The following ZNF385B variants were observed in gnomAD, a reference collection of about 807,000 sequenced individuals.
ZNF385B encodes zinc finger protein 533.
ZNF385B carries 23 observed loss-of-function variants against 39.2 expected under a neutral mutation model. The observed-to-expected ratio is 0.59, with a 90% CI of 0.42 to 0.83. The LOEUF (loss-of-function observed/expected upper bound fraction) is 0.83. Ranked by LOEUF, ZNF385B falls within the 40% of genes least tolerant of loss-of-function variation. The pLI is 0.00. For synonymous variants in ZNF385B, 205 were observed against 222.6 expected, an observed-to-expected ratio of 0.92 and a Z score of 0.70; for missense variants, 552 against 598.9, an observed-to-expected ratio of 0.92 and a Z score of 0.82.
chr2:179,685,211 T>G (rs1178020315), intron 3 of ZNF385B, among the ~76,000 whole-genome samples: 2 of 152,216 alleles, frequency 1.3e-5, no homozygotes, highest in Non-Finnish European at 2.9e-5. Context: ...GTATCACTTT[T>G]TTTCTTTCGG....
intron 5 of ZNF385B, among the ~76,000 whole-genome samples, chr2:179,488,439 C>T (rs1363688214): frequency 5.3e-5 from 8 of 152,156 alleles, no homozygotes; most frequent in African/African-American, 1.9e-4. Flanking sequence ...CCACTGCGCA[C>T]GGCCTGATTT....
chr2:179,626,877 T>C (rs981945969), intron 3 of ZNF385B, among the ~76,000 whole-genome samples: 7 of 152,212 alleles, frequency 4.6e-5, no homozygotes, highest in Non-Finnish European at 8.8e-5. Flanking sequence ...AAATTATGAA[T>C]GGAAACACTT....
At chr2:179,478,589 C>A (rs747318730) in intron 6 of ZNF385B, among the ~76,000 whole-genome samples, 1 of 152,126 alleles carries the variant, frequency 6.6e-6, no homozygotes, top group African/African-American at 2.4e-5. Context: ...TGTGGCATTT[C>A]GAATCATTCT....
chr2:179,809,555 T>C (rs1321795752), intron 1 of ZNF385B, among the ~76,000 whole-genome samples: 2 of 152,046 alleles, frequency 1.3e-5, no homozygotes, highest in South Asian at 2.1e-4. Context: ...CTACATACAG[T>C]GCTAAAAAAT....
intron 1 of ZNF385B, among the ~76,000 whole-genome samples, chr2:179,841,721 T>C (rs906056192): frequency 5.9e-5 from 9 of 152,262 alleles, no homozygotes; most frequent in Middle Eastern, 3.4e-3. Context: ...AAAATCTCCA[T>C]TGAGAGCCAC....
intron 1 of ZNF385B, among the ~76,000 whole-genome samples, chr2:179,857,132 A>T (rs563508185): frequency 4.6e-5 from 7 of 152,362 alleles, no homozygotes; most frequent in Admixed American, 2.6e-4. Context: ...AAGTTTAAGA[A>T]GCACTGGTTC....
intron 3 of ZNF385B, among the ~76,000 whole-genome samples, chr2:179,581,333 A>G (rs910756283): frequency 5.3e-5 from 8 of 152,226 alleles, no homozygotes; most frequent in African/African-American, 1.9e-4. Flanking sequence ...TACATATAAA[A>G]ACAAGTACAG....
rs554719181 is a variant in ZNF385B, at chr2:179,809,974, C to T, written c.-154-39302G>A. 1.4e-4 allele frequency among the ~76,000 whole-genome samples: 21 copies of T among 151,850 alleles called. No homozygotes were observed. In the South Asian group the frequency reaches 1.5e-3, roughly 11 times the overall value. On this transcript the variant is annotated intron_variant, in intron 1 of 9. Transcript: ENST00000410066. ...TAATAATGAAAAGAGTGAGGTAATACCACAAAAATAATGAGACCAATGGAA... is the reference window on the plus strand; with the variant it reads ...TAATAATGAAAAGAGTGAGGTAATATCACAAAAATAATGAGACCAATGGAA...
At position 179,621,059 on chromosome 2, in the gene ZNF385B, A is replaced by C. The variant is rs77070009; in HGVS notation, c.299-76090T>G. 3.1e-3 allele frequency among the ~76,000 whole-genome samples: 466 copies of C among 152,248 alleles called. 5 individuals carry two copies. The highest frequency in any genetic ancestry group is 0.011 in the African/African-American group (442 of 41,558). ...CTACTTGATGTCTTGGATCATACTAACCAGGTGGTATGCATACAAATACTT... is the reference window on the plus strand; with the variant it reads ...CTACTTGATGTCTTGGATCATACTACCCAGGTGGTATGCATACAAATACTT... On this transcript the variant is annotated intron_variant, in intron 3 of 9. Transcript: ENST00000410066.
chr2:179,533,125 A>G lies in ZNF385B; in HGVS notation c.441+11702T>C, dbSNP rs1023816650. ...AAGAACTCTACATCTGGGTGTCACA[A>G]TGCTTCTTTAGAAGCTACTCATCCA... On this transcript the variant is annotated intron_variant, in intron 4 of 9. Transcript: ENST00000410066. Among the ~76,000 whole-genome samples the G allele has an allele frequency of 2.6e-5, 4 of 152,222 alleles. 1 individual carries two copies. Among genetic ancestry groups the G allele is most frequent in the African/African-American group, 4.8e-5 (2 of 41,460 alleles).
chr2:179,766,638 G>T (rs80280996), intron 3 of ZNF385B, among the ~76,000 whole-genome samples: 2 of 151,724 alleles, frequency 1.3e-5, no homozygotes, highest in Non-Finnish European at 1.5e-5. Flanking sequence ...CCGAATTTCC[G>T]TTTTTTTGTA....
intron 3 of ZNF385B, among the ~76,000 whole-genome samples, chr2:179,741,018 A>G (rs1702057993): frequency 6.6e-6 from 1 of 152,178 alleles, no homozygotes; most frequent in Non-Finnish European, 1.5e-5. Context: ...TTTAATTCAA[A>G]GAAGATATGG....
intron 6 of ZNF385B, among the ~76,000 whole-genome samples, chr2:179,482,045 C>T (rs2054060217): frequency 6.6e-6 from 1 of 152,120 alleles, no homozygotes; most frequent in Non-Finnish European, 1.5e-5. Context: ...TTTAGTGATC[C>T]TATTGTACAA....
chr2:179,769,119 C>T (rs922949015), intron 3 of ZNF385B, among the ~76,000 whole-genome samples: 5 of 152,106 alleles, frequency 3.3e-5, no homozygotes, highest in African/African-American at 9.7e-5. Context: ...AAGTGGTATG[C>T]CACCCAATAG....
intron 5 of ZNF385B, among the ~76,000 whole-genome samples, chr2:179,506,446 C>T (rs924333372): frequency 2.6e-5 from 4 of 151,840 alleles, no homozygotes; most frequent in Admixed American, 1.3e-4. Flanking sequence ...AAGTTATGTG[C>T]TTTAAAAATA....
chr2:179,737,399 T>C (rs1483145220), intron 3 of ZNF385B, among the ~76,000 whole-genome samples: 1 of 152,144 alleles, frequency 6.6e-6, no homozygotes, highest in African/African-American at 2.4e-5. Flanking sequence ...AACTCCCTTT[T>C]TTTTTCCTGC....
intron 3 of ZNF385B, among the ~76,000 whole-genome samples, chr2:179,636,511 G>T (rs1179490161): frequency 2.0e-5 from 3 of 152,168 alleles, no homozygotes; most frequent in African/African-American, 7.2e-5. Context: ...CAAAACAGTT[G>T]TCTTAGCCAG....
chr2:179,813,099 C>T (rs935371111), intron 1 of ZNF385B, among the ~76,000 whole-genome samples: 1 of 152,100 alleles, frequency 6.6e-6, no homozygotes, highest in South Asian at 2.1e-4. Context: ...CCTTTATTGA[C>T]GTACTGATAA....
At chr2:179,468,975 T>TA (rs1002388845) in intron 6 of ZNF385B, among the ~76,000 whole-genome samples, 1 of 152,142 alleles carries the variant, frequency 6.6e-6, no homozygotes, top group Non-Finnish European at 1.5e-5. Flanking sequence ...AAGCCAATTA[T>TA]AAAAAAATTC....
Sources: allele counts gnomAD v4.1 joint callset (sites outside exome capture counted in the v4.1 genomes callset), GRCh38; gene constraint gnomAD v4.1.1; transcripts MANE v1.5; gene names NCBI Gene and HGNC (gene_info 2026-07-23, HGNC 2026-07-21).